OCRL: variants seen among roughly 807,000 people sequenced by gnomAD.
OCRL encodes inositol polyphosphate 5-phosphatase OCRL.
A neutral mutation model predicts 78.9 loss-of-function variants in OCRL; 8 were observed. The ratio of observed to expected loss-of-function variants is 0.10; its 90% CI spans 0.06 to 0.18. The LOEUF is 0.18. Ranked by LOEUF, OCRL falls within the 10% of genes least tolerant of loss-of-function variation. The pLI, the probability that OCRL is intolerant of heterozygous loss-of-function variation, is 1.00. For synonymous variants in OCRL, 240 were observed against 235.4 expected, an observed-to-expected ratio of 1.02 and a Z score of -0.18; for missense variants, 454 against 696.7, an observed-to-expected ratio of 0.65 and a Z score of 3.92.
At chrX:129,559,489 G>A (rs920152357) in intron 8 of OCRL, among the ~76,000 whole-genome samples, 1 of 111,863 alleles carries the variant, frequency 8.9e-6, no homozygotes, top group Non-Finnish European at 1.9e-5. Flanking sequence ...TTGAGCCACC[G>A]TGCTTGGCCT....
chrX:129,545,105 C>T lies in OCRL; in HGVS notation c.199+68C>T. On this transcript the variant is annotated intron_variant, in intron 3 of 23. Transcript: ENST00000371113. ...TCGGTCATTACTGCATTATGTAATACCATACATATTTAAATTTGTCAGTGC... is the reference window on the plus strand; with the variant it reads ...TCGGTCATTACTGCATTATGTAATATCATACATATTTAAATTTGTCAGTGC... 6.8e-6 allele frequency: 4 copies of T among 590,860 alleles called. No homozygotes were observed. In the South Asian group the frequency reaches 9.5e-5, roughly 14 times the overall value. 48.7% of individuals were successfully genotyped at this position (590,860 alleles called of 1,213,427 possible).
chrX:129,559,096 A>C, intron 8 of OCRL, 95 bp downstream of exon 8: 1 of 809,386 alleles, frequency 1.2e-6, no homozygotes, highest in Non-Finnish European at 1.8e-6. Context: ...ATTAAGAATC[A>C]AAATATGATA....
chrX:129,573,343 C>T (rs747433834), intron 15 of OCRL, among the ~76,000 whole-genome samples: 2 of 111,766 alleles, frequency 1.8e-5, no homozygotes, highest in South Asian at 3.8e-4. Context: ...TTAAGCCCCA[C>T]GTGCATTAGC....
chrX:129,579,631 A>G (rs932230840), intron 18 of OCRL, among the ~76,000 whole-genome samples: 2 of 112,051 alleles, frequency 1.8e-5, no homozygotes, highest in African/African-American at 6.5e-5. Flanking sequence ...AATAGTTGAG[A>G]TTAGCACAAG....
rs35415909 is a variant in OCRL, at chrX:129,581,725, CTGTGTGTGTG to C, written c.2116-2601_2116-2592del. On this transcript the variant is annotated intron_variant, in intron 18 of 23. Transcript: ENST00000371113. ...ATTATATATATATATATACACACAC[CTGTGTGTGTG>C]TGTGTGTGTGTGTGTGTATAAAATT... Among the ~76,000 whole-genome samples, 9 of 92,278 alleles carry C rather than the reference CTGTGTGTGTG, an allele frequency of 9.8e-5. No homozygotes were observed. The East Asian group carries it at 1.1e-3, about 11-fold the overall frequency. 80.1% of individuals were successfully genotyped at this position (92,278 alleles called of 115,157 possible). A position where few individuals can be genotyped will look rare whatever the true frequency, so the allele number is the denominator to read the frequency against.
At chrX:129,552,881 A>G (rs1766082261) in intron 4 of OCRL, among the ~76,000 whole-genome samples, 1 of 112,590 alleles carries the variant, frequency 8.9e-6, no homozygotes, top group Admixed American at 9.4e-5. Context: ...GCTATCCAAT[A>G]CAGTAGCCAC....
chrX:129,575,234 A>G lies in OCRL; in HGVS notation c.1697A>G (p.Glu566Gly). The change falls in exon 16 of 24, where the codon GAA becomes GGA. Residue 566 changes from glutamate (E) to glycine (G), a missense_variant. Physicochemically the swap from Glu to Gly is moderately conservative, Grantham distance 98. Coordinates refer to ENST00000371113, the MANE Select transcript of OCRL (RefSeq NM_000276.4). ...RMENDFLPSLELSRREFVFEN... is the reference protein window; with the variant it reads ...RMENDFLPSLGLSRREFVFEN... ...GAAAATGACTTCCTTCCTTCCTTAG[A>G]ACTCAGCAGGAGGGAGGTGAGCAAA... 8.4e-7 allele frequency: 1 copy of G among 1,190,381 alleles called. No individual in the cohort carries two copies. The highest frequency in any genetic ancestry group is 1.1e-6 in the Non-Finnish European group (1 of 876,100).
chrX:129,557,824 A>T (rs746653985), intron 5 of OCRL, 37 bp from the exon 6 acceptor site: 17 of 959,900 alleles, frequency 1.8e-5, no homozygotes, highest in Non-Finnish European at 2.6e-5. Context: ...TCAGTGAAAG[A>T]CTTCCCAGTT....
chrX:129,545,967 G>T (rs1935872946), intron 3 of OCRL, among the ~76,000 whole-genome samples: 1 of 111,287 alleles, frequency 9.0e-6, no homozygotes, highest in African/African-American at 3.3e-5. Flanking sequence ...GCCTGTCTCG[G>T]CCTCCAAAAG....
At chrX:129,544,627 C>T (rs7064087) in intron 2 of OCRL, among the ~76,000 whole-genome samples, 6,611 of 111,886 alleles carry the variant, frequency 0.059, 479 homozygotes, top group African/African-American at 0.2. Flanking sequence ...GCTGTGGTCC[C>T]TGCACTCATG....
intron 18 of OCRL, among the ~76,000 whole-genome samples, chrX:129,580,148 T>C (rs907686746): frequency 8.9e-6 from 1 of 112,570 alleles, no homozygotes; most frequent in African/African-American, 3.2e-5. Flanking sequence ...GACTGAGAAA[T>C]AAGTTTAGCA....
At chrX:129,543,110 A>G (rs563820636) in intron 2 of OCRL, among the ~76,000 whole-genome samples, 21 of 111,071 alleles carry the variant, frequency 1.9e-4, no homozygotes, top group African/African-American at 6.5e-4. Context: ...AGGATTTGTC[A>G]CTCTTTTCTG....
At chrX:129,566,614 A>T (rs1160429017) in intron 13 of OCRL, among the ~76,000 whole-genome samples, 2 of 112,426 alleles carry the variant, frequency 1.8e-5, no homozygotes, top group Non-Finnish European at 3.8e-5. Flanking sequence ...ACTTCATTCG[A>T]ATAATCTTTA....
At position 129,589,908 on chromosome X, in the gene OCRL, G is replaced by C. The variant is rs761987106; in HGVS notation, c.2533G>C (p.Glu845Gln). Reference sequence around the variant, plus strand: ...CCGTTACTTGATGGCATTCCTTCGAGAACTCTTAAAATTCTCTGAATACAA... The same window carrying C: ...CCGTTACTTGATGGCATTCCTTCGACAACTCTTAAAATTCTCTGAATACAA... Reference protein sequence around the residue: ...VFRYLMAFLRELLKFSEYNSV... With the variant: ...VFRYLMAFLRQLLKFSEYNSV... The change falls in exon 23 of 24, where the codon GAA becomes CAA. Residue 845 changes from glutamate to glutamine, a missense_variant. Transcript: ENST00000371113. 7 of 1,210,494 alleles carry C rather than the reference G, an allele frequency of 5.8e-6. No homozygotes were observed. The South Asian group carries it at 1.2e-4, about 21-fold the overall frequency.
intron 1 of OCRL, 100 bp from the exon 2 acceptor site, chrX:129,540,634 GGGGCGGGGGA>G (rs1935779257): frequency 4.3e-6 from 3 of 696,323 alleles, no homozygotes; most frequent in African/African-American, 4.8e-5. Context: ...AGGGCGGGGC[GGGGCGGGGGA>G]GGGCGGCGGT....
chrX:129,586,178 A>G (rs1936510181), intron 19 of OCRL, among the ~76,000 whole-genome samples: 2 of 111,914 alleles, frequency 1.8e-5, no homozygotes, highest in African/African-American at 6.5e-5. Flanking sequence ...ATTCACATAT[A>G]GTGATTGATT....
At chrX:129,561,086 CT>C in intron 9 of OCRL, 92 bp from the exon 10 acceptor site, 1 of 609,606 alleles carries the variant, frequency 1.6e-6, no homozygotes, top group Admixed American at 2.3e-5. Context: ...TCTCTCCCAT[CT>C]TTTTTTCATC....
At chrX:129,563,742 A>G (rs1434964193) in intron 12 of OCRL, among the ~76,000 whole-genome samples, 3 of 111,816 alleles carry the variant, frequency 2.7e-5, no homozygotes, top group African/African-American at 9.8e-5. Context: ...AGTTTTAAAG[A>G]AATTAATATA....
Position 129,558,831 on chromosome X carries a change from AT to A in OCRL, c.561-6del. ...AATTTTACTTTTGAATCTCTCATTT[AT>A]TTGCTAGGCTTCCACGTGAAAAAGA... is the stretch of plus-strand genomic sequence containing the variant. On this transcript the variant is annotated splice_polypyrimidine_tract_variant and splice_region_variant and intron_variant, in intron 7 of 23. Transcript: ENST00000371113. The A allele has an allele frequency of 2.5e-6, 3 of 1,212,016 alleles. No homozygotes were observed. Among genetic ancestry groups the A allele is most frequent in the Non-Finnish European group, 3.4e-6 (3 of 895,456 alleles).
Sources: gnomAD v4.1 joint callset for allele counts (sites outside exome capture counted in the v4.1 genomes callset) on GRCh38, gnomAD v4.1.1 for gene constraint, MANE v1.5 for transcripts, NCBI Gene and HGNC (gene_info 2026-07-23, HGNC 2026-07-21) for gene names.